The following MEMO1 variants were observed in gnomAD, a reference collection of about 807,000 sequenced individuals.
MEMO1 encodes the protein mediator of cell motility 1.
Under a neutral mutation model 45.2 loss-of-function variants are expected in MEMO1, and 6 were observed. That is an observed-to-expected ratio of 0.13 (90% confidence interval 0.07 to 0.26). The LOEUF (loss-of-function observed/expected upper bound fraction) is 0.26. Among genes scored for constraint, MEMO1 ranks in the 10% least tolerant of loss-of-function variants. The probability of loss-of-function intolerance (pLI) is 1.00; values close to 1 mark genes in which losing one functional copy is unlikely to be tolerated. For missense variants in MEMO1, 184 were observed against 370.5 expected, an observed-to-expected ratio of 0.50 and a Z score of 4.13; for synonymous variants, 78 against 124.3, an observed-to-expected ratio of 0.63 and a Z score of 2.48.
At chr2:31,961,032 T>C (rs189423304) in intron 2 of MEMO1, among the ~76,000 whole-genome samples, 55 of 152,356 alleles carry the variant, frequency 3.6e-4, no homozygotes, top group Non-Finnish European at 7.3e-4. Context: ...TATTTTCAGC[T>C]AATTTAGATA....
chr2:31,985,464 T>G (rs1671150444), intron 2 of MEMO1, among the ~76,000 whole-genome samples: 1 of 152,326 alleles, frequency 6.6e-6, no homozygotes, highest in Admixed American at 6.5e-5. Context: ...TAGCTGGGAT[T>G]ACAGGCGAGC....
At chr2:31,883,903 G>A (rs569783254) in intron 7 of MEMO1, among the ~76,000 whole-genome samples, 5,453 of 139,316 alleles carry the variant, frequency 0.039, 231 homozygotes, top group African/African-American at 0.1. Context: ...TATTACGGGG[G>A]AAAAAAAAAA....
chr2:31,869,996 AAGACAAT>A, intron 8 of MEMO1, 44 bp from the exon 9 acceptor site: 1 of 1,343,322 alleles, frequency 7.4e-7, no homozygotes, highest in Non-Finnish European at 1.0e-6. Flanking sequence ...ATAAAAGAAG[AAGACAAT>A]ATTTATTATT....
intron 2 of MEMO1, among the ~76,000 whole-genome samples, chr2:31,976,132 G>T (rs1476745554): frequency 6.6e-6 from 1 of 152,158 alleles, no homozygotes; most frequent in Non-Finnish European, 1.5e-5. Context: ...ATGAGGAAAA[G>T]ATAAAGTATC....
intron 4 of MEMO1, chr2:31,923,652 T>A (rs769536618): frequency 1.3e-6 from 2 of 1,547,428 alleles, no homozygotes; most frequent in South Asian, 2.4e-5. Flanking sequence ...AATCAAATAA[T>A]GAGAAAGGGC....
At chr2:31,973,629 C>A (rs749137478) in intron 2 of MEMO1, among the ~76,000 whole-genome samples, 1 of 152,086 alleles carries the variant, frequency 6.6e-6, no homozygotes, top group South Asian at 2.1e-4. Flanking sequence ...AAGTATTATT[C>A]AGTCATAAAA....
chr2:31,898,825 G>A (rs1225165091), intron 6 of MEMO1, among the ~76,000 whole-genome samples: 1 of 152,058 alleles, frequency 6.6e-6, no homozygotes, highest in Admixed American at 6.5e-5. Context: ...TAAGTCTCCG[G>A]CTATTATTGT....
chr2:32,004,293 A>G (rs1673774022), intron 2 of MEMO1, among the ~76,000 whole-genome samples: 1 of 152,206 alleles, frequency 6.6e-6, no homozygotes, highest in South Asian at 2.1e-4. Context: ...ATGTAGCCAG[A>G]ATAAGAACTA....
chr2:31,898,219 G>T (rs907611015), intron 6 of MEMO1, among the ~76,000 whole-genome samples: 1 of 151,980 alleles, frequency 6.6e-6, no homozygotes. Flanking sequence ...ATCTCCTTCA[G>T]TTCTACTCTG....
chr2:31,965,284 G>A (rs1246954277), intron 2 of MEMO1, among the ~76,000 whole-genome samples: 2 of 151,520 alleles, frequency 1.3e-5, no homozygotes, highest in Non-Finnish European at 2.9e-5. Flanking sequence ...GAAGAGAAGG[G>A]AAGGGAAGAA....
At chr2:31,979,610 T>TA (rs1670406691) in intron 2 of MEMO1, among the ~76,000 whole-genome samples, 1 of 152,176 alleles carries the variant, frequency 6.6e-6, no homozygotes, top group African/African-American at 2.4e-5. Context: ...ACTATACATT[T>TA]AAAAATGGTT....
chr2:31,964,389 A>G (rs1413647507), intron 2 of MEMO1, among the ~76,000 whole-genome samples: 7 of 152,314 alleles, frequency 4.6e-5, no homozygotes, highest in African/African-American at 7.2e-5. Flanking sequence ...AGCAGTTTAA[A>G]AAGAAATTAT....
intron 5 of MEMO1, among the ~76,000 whole-genome samples, chr2:31,918,870 A>C (rs1391409111): frequency 6.6e-6 from 1 of 152,108 alleles, no homozygotes; most frequent in Non-Finnish European, 1.5e-5. Context: ...TCTTGAAAAA[A>C]TTCTCTATTT....
intron 3 of MEMO1, among the ~76,000 whole-genome samples, chr2:31,938,604 C>A (rs1334819040): frequency 6.6e-6 from 1 of 151,544 alleles, no homozygotes; most frequent in Non-Finnish European, 1.5e-5. Context: ...GCTGAGATCG[C>A]GCCACTGCAC....
At chr2:31,868,773 A>C (rs940673498) in intron 9 of MEMO1, among the ~76,000 whole-genome samples, 1 of 152,168 alleles carries the variant, frequency 6.6e-6, no homozygotes, top group African/African-American at 2.4e-5. Flanking sequence ...AACCCTTTTT[A>C]ACTTTTTAAA....
chr2:31,926,899 C>A (rs138577770), intron 4 of MEMO1, among the ~76,000 whole-genome samples: 57 of 152,022 alleles, frequency 3.7e-4, no homozygotes, highest in Non-Finnish European at 6.2e-4. Context: ...TGATTTTTTA[C>A]TATCATATAA....
chr2:31,909,585 T>TA (rs1437278126), intron 6 of MEMO1, among the ~76,000 whole-genome samples: 2 of 152,096 alleles, frequency 1.3e-5, no homozygotes, highest in Non-Finnish European at 2.9e-5. Flanking sequence ...AGGAAAATTT[T>TA]GAAACACTGA....
intron 3 of MEMO1, among the ~76,000 whole-genome samples, chr2:31,941,039 G>GT (rs1437161382): frequency 6.6e-6 from 1 of 152,172 alleles, no homozygotes; most frequent in Non-Finnish European, 1.5e-5. Flanking sequence ...AGCAGCAAGA[G>GT]TAATTCTTTT....
intron 2 of MEMO1, among the ~76,000 whole-genome samples, chr2:31,994,118 G>A (rs1256452681): frequency 4.7e-5 from 7 of 149,300 alleles, no homozygotes; most frequent in Non-Finnish European, 7.4e-5. Flanking sequence ...GCACCACCAC[G>A]CCTGGCTAAT....
Sources: allele counts gnomAD v4.1 joint callset (sites outside exome capture counted in the v4.1 genomes callset), GRCh38; gene constraint gnomAD v4.1.1; transcripts MANE v1.5; gene names NCBI Gene and HGNC (gene_info 2026-07-23, HGNC 2026-07-21).